CDH8: variants seen among roughly 807,000 people sequenced by gnomAD.
The protein encoded by CDH8 is cadherin-8.
CDH8 carries 17 observed loss-of-function variants against 68.1 expected under a neutral mutation model. That is an observed-to-expected ratio of 0.25 (90% CI 0.17 to 0.37). The LOEUF (loss-of-function observed/expected upper bound fraction) is 0.37, where lower values mean the gene tolerates loss of function less well. Ranked by LOEUF, CDH8 falls within the 10% of genes least tolerant of loss-of-function variation. The pLI is 1.00. For synonymous variants in CDH8, 372 were observed against 365.1 expected, an observed-to-expected ratio of 1.02 and a Z score of -0.21; for missense variants, 763 against 999.3, an observed-to-expected ratio of 0.76 and a Z score of 3.19.
chr16:61,830,645 AT>A (rs1372427160), intron 4 of CDH8, among the ~76,000 whole-genome samples: 9 of 151,792 alleles, frequency 5.9e-5, no homozygotes, highest in Admixed American at 3.3e-4. Flanking sequence ...ACAGTCACAC[AT>A]TCTCAACACT....
chr16:61,686,075 T>G (rs1199545001), intron 10 of CDH8, among the ~76,000 whole-genome samples: 1 of 152,000 alleles, frequency 6.6e-6, no homozygotes, highest in Non-Finnish European at 1.5e-5. Flanking sequence ...TAGATAAATG[T>G]GGAGTTGCCA....
chr16:61,962,013 T>C (rs2150572051), intron 2 of CDH8, among the ~76,000 whole-genome samples: 1 of 152,388 alleles, frequency 6.6e-6, no homozygotes, highest in Admixed American at 6.5e-5. Flanking sequence ...TTATATGCTC[T>C]ATTCTTAGAA....
At chr16:61,943,658 T>C (rs368186929) in intron 2 of CDH8, among the ~76,000 whole-genome samples, 2 of 152,370 alleles carry the variant, frequency 1.3e-5, no homozygotes, top group African/African-American at 4.8e-5. Flanking sequence ...AAATATGTAT[T>C]CTATTTTCCA....
rs967215470 is a variant in CDH8, at chr16:61,815,223, G to A, written c.1277+2256C>T. On this transcript the variant is annotated intron_variant, in intron 7 of 11. Transcript: ENST00000577390. ...CCTGAAAATGAAATGCTTCTAAGCT[G>A]GACAGTTATTTCTAAACAGCCTCAA... Among the ~76,000 whole-genome samples, 5 of 152,032 alleles carry A rather than the reference G, an allele frequency of 3.3e-5. No individual in the cohort carries two copies. In the South Asian group the frequency reaches 1.0e-3, roughly 32 times the overall value.
rs150080837 is a variant in CDH8, at chr16:61,721,539, T to C, written c.1536+5555A>G. 7.0e-3 allele frequency among the ~76,000 whole-genome samples: 1,059 copies of C among 151,038 alleles called. 15 individuals carry two copies. Among genetic ancestry groups the C allele is most frequent in the African/African-American group, 0.025 (1,019 of 41,418 alleles). On this transcript the variant is annotated intron_variant, in intron 9 of 11. Coordinates refer to ENST00000577390, the MANE Select transcript of CDH8 (RefSeq NM_001796.5). ...CAAACCCATTCATTGCTAGTGTTTA[T>C]CTAGGGATAATTACCTTTACTTCTC...
intron 2 of CDH8, among the ~76,000 whole-genome samples, chr16:61,990,132 G>A (rs1315094358): frequency 6.6e-6 from 1 of 151,912 alleles, no homozygotes; most frequent in Non-Finnish European, 1.5e-5. Context: ...AAAATATGAT[G>A]GTTAATATGG....
At chr16:61,655,230 C>T (rs1963415481) in intron 11 of CDH8, among the ~76,000 whole-genome samples, 3 of 152,148 alleles carry the variant, frequency 2.0e-5, no homozygotes, top group Admixed American at 6.5e-5. Flanking sequence ...ATGCCTTGTT[C>T]ATCGCTTTAT....
At chr16:61,899,953 C>A (rs1963939500) in intron 3 of CDH8, among the ~76,000 whole-genome samples, 1 of 151,696 alleles carries the variant, frequency 6.6e-6, no homozygotes, top group Admixed American at 6.6e-5. Context: ...CAATGGTCAC[C>A]CAATTTAGCC....
At chr16:62,008,529 C>T (rs1319926435) in intron 2 of CDH8, among the ~76,000 whole-genome samples, 3 of 151,406 alleles carry the variant, frequency 2.0e-5, no homozygotes, top group Non-Finnish European at 4.4e-5. Context: ...GGGAGGGTCT[C>T]GCTGTGTTGC....
At position 61,669,915 on chromosome 16, in the gene CDH8, A is replaced by G. The variant is rs546065021; in HGVS notation, c.1655-14194T>C. Among the ~76,000 whole-genome samples, 24 of 152,124 alleles carry G rather than the reference A, an allele frequency of 1.6e-4. 1 individual carries two copies. The South Asian group carries it at 5.0e-3, about 32-fold the overall frequency. Reference sequence around the variant, plus strand: ...AACCTCTTTACAAACTGTTAACCTGATTTGCATTCTGATTTCAAATAACAA... The same window carrying G: ...AACCTCTTTACAAACTGTTAACCTGGTTTGCATTCTGATTTCAAATAACAA... On this transcript the variant is annotated intron_variant, in intron 10 of 11. Transcript: ENST00000577390.
chr16:61,862,623 T>C (rs573013899), intron 3 of CDH8, among the ~76,000 whole-genome samples: 4 of 152,308 alleles, frequency 2.6e-5, no homozygotes, highest in East Asian at 1.9e-4. Context: ...TACACTGGAA[T>C]AGATGTGTGT....
chr16:61,754,801 C>A (rs1297727677), intron 8 of CDH8, among the ~76,000 whole-genome samples: 1 of 151,982 alleles, frequency 6.6e-6, no homozygotes, highest in Non-Finnish European at 1.5e-5. Context: ...CAGAGGGGGA[C>A]ATATGCAGGT....
chr16:61,986,364 C>CA (rs1555527303), intron 2 of CDH8, among the ~76,000 whole-genome samples: 1 of 151,960 alleles, frequency 6.6e-6, no homozygotes, highest in Admixed American at 6.6e-5. Flanking sequence ...TCCTTCACTC[C>CA]TTTTTTTTCT....
At chr16:62,003,570 A>T (rs1235767949) in intron 2 of CDH8, among the ~76,000 whole-genome samples, 1 of 152,116 alleles carries the variant, frequency 6.6e-6, no homozygotes, top group Admixed American at 6.5e-5. Context: ...TAGATGGCTC[A>T]AAAGAAAGAC....
At chr16:61,809,390 A>G (rs999597264) in intron 7 of CDH8, among the ~76,000 whole-genome samples, 1 of 152,066 alleles carries the variant, frequency 6.6e-6, no homozygotes, top group Non-Finnish European at 1.5e-5. Flanking sequence ...AACAATGAGA[A>G]CACATGGACA....
At chr16:61,932,762 T>C (rs961918632) in intron 2 of CDH8, among the ~76,000 whole-genome samples, 1 of 152,120 alleles carries the variant, frequency 6.6e-6, no homozygotes, top group Non-Finnish European at 1.5e-5. Flanking sequence ...AACTTTAAAA[T>C]AAAAAATAAC....
intron 2 of CDH8, among the ~76,000 whole-genome samples, chr16:61,959,726 A>G (rs1965053278): frequency 6.7e-6 from 1 of 150,190 alleles, no homozygotes; most frequent in Admixed American, 6.7e-5. Flanking sequence ...ACATATATAT[A>G]CACACACATA....
chr16:61,956,262 T>C (rs1236246541), intron 2 of CDH8, among the ~76,000 whole-genome samples: 1 of 152,196 alleles, frequency 6.6e-6, no homozygotes, highest in Non-Finnish European at 1.5e-5. Flanking sequence ...TGATCTCCTT[T>C]TTTAAAAATG....
Position 61,652,637 on chromosome 16 carries a change from T to A in CDH8, c.*971A>T. On this transcript the variant is annotated 3_prime_UTR_variant, in exon 12 of 12. Coordinates refer to ENST00000577390, the MANE Select transcript of CDH8 (RefSeq NM_001796.5). ...ATGTATTAAACATTCATTGTATATA[T>A]ATTTATATAAAACAATCTAAAGGAT... is the stretch of plus-strand genomic sequence containing the variant. 9.2e-7 allele frequency: 1 copy of A among 1,084,844 alleles called. No homozygotes were observed. Among genetic ancestry groups the A allele is most frequent in the Non-Finnish European group, 1.2e-6 (1 of 860,858 alleles). 67.2% of individuals were successfully genotyped at this position (1,084,844 alleles called of 1,614,324 possible). A position where few individuals can be genotyped will look rare whatever the true frequency, so the allele number is the denominator to read the frequency against.
Sources: allele counts gnomAD v4.1 joint callset (sites outside exome capture counted in the v4.1 genomes callset), GRCh38; gene constraint gnomAD v4.1.1; transcripts MANE v1.5; gene names NCBI Gene and HGNC (gene_info 2026-07-23, HGNC 2026-07-21).